Variants in DRC11 observed in about 807,000 individuals in gnomAD.
DRC11 encodes the protein IQ and AAA domain-containing protein 1.
At chr2:236,425,038 T>C in the DRC11 span, among the ~76,000 whole-genome samples, 7 of 151,998 alleles carry the variant, frequency 4.6e-5, no homozygotes, top group African/African-American at 1.5e-4. Flanking sequence ...GTATATACAA[T>C]ACATTATGTT....
the DRC11 span, chr2:236,392,514 T>C: frequency 4.5e-6 from 2 of 443,872 alleles, no homozygotes; most frequent in Non-Finnish European, 7.9e-6. This position sits in a 1 kb window ranked among gnomAD's most constrained non-coding sequence, Gnocchi z 5.1. Flanking sequence ...TAAAATAAGC[T>C]GGACAGATGA....
chr2:236,497,553 G>A, the DRC11 span: 51 of 1,195,156 alleles, frequency 4.3e-5, no homozygotes, highest in African/African-American at 1.7e-4. The surrounding 1 kb of genome is among the most constrained non-coding windows in gnomAD (Gnocchi z 5.1). Context: ...CATAAACATC[G>A]GGCCTCTGGT....
At chr2:236,361,939 G>A in the DRC11 span, among the ~76,000 whole-genome samples, 1 of 152,148 alleles carries the variant, frequency 6.6e-6, no homozygotes, top group South Asian at 2.1e-4. This position sits in a 1 kb window ranked among gnomAD's most constrained non-coding sequence, Gnocchi z 5.7. Flanking sequence ...TATACACTCA[G>A]CATAAGAAAG....
the DRC11 span, among the ~76,000 whole-genome samples, chr2:236,370,963 A>G: frequency 6.6e-6 from 1 of 152,024 alleles, no homozygotes; most frequent in Non-Finnish European, 1.5e-5. The surrounding 1 kb of genome is among the most constrained non-coding windows in gnomAD (Gnocchi z 5.5). Context: ...GATTCTAATG[A>G]CTGTTGGGAG....
the DRC11 span, among the ~76,000 whole-genome samples, chr2:236,358,841 C>T: frequency 2.7e-5 from 4 of 148,018 alleles, no homozygotes; most frequent in African/African-American, 5.1e-5. Context: ...AAGACCGTCA[C>T]GTGGCCCCCC....
At chr2:236,331,303 G>A in the DRC11 span, 5 of 1,202,422 alleles carry the variant, frequency 4.2e-6, no homozygotes, top group Non-Finnish European at 6.2e-6. The surrounding 1 kb of genome is among the most constrained non-coding windows in gnomAD (Gnocchi z 4.8). Context: ...GCAGAGGGAG[G>A]AGGCAGCGTG....
chr2:236,416,766 T>TATATAA, the DRC11 span, among the ~76,000 whole-genome samples: 1 of 104,410 alleles, frequency 9.6e-6, no homozygotes, highest in East Asian at 3.7e-4. Context: ...TATATATATA[T>TATATAA]ATAAATAATT....
the DRC11 span, chr2:236,343,687 A>G: frequency 3.5e-4 from 452 of 1,299,030 alleles, 1 homozygote; most frequent in Middle Eastern, 2.1e-4. The surrounding 1 kb of genome is among the most constrained non-coding windows in gnomAD (Gnocchi z 6.6). Context: ...CATTCCTGCC[A>G]TCCATTTTGC....
chr2:236,370,339 ACCT>A, the DRC11 span, among the ~76,000 whole-genome samples: 1 of 152,182 alleles, frequency 6.6e-6, no homozygotes, highest in Non-Finnish European at 1.5e-5. This position sits in a 1 kb window ranked among gnomAD's most constrained non-coding sequence, Gnocchi z 5.5. Flanking sequence ...TGCTGTAATT[ACCT>A]CATCCCATAG....
chr2:236,480,011 T>C, the DRC11 span, among the ~76,000 whole-genome samples: 1 of 150,932 alleles, frequency 6.6e-6, no homozygotes, highest in African/African-American at 2.5e-5. Context: ...TGCAGTATTC[T>C]TGGTTGACAG....
At chr2:236,313,680 G>A in the DRC11 span, among the ~76,000 whole-genome samples, 107 of 152,252 alleles carry the variant, frequency 7.0e-4, no homozygotes, top group Non-Finnish European at 8.1e-4. This position sits in a 1 kb window ranked among gnomAD's most constrained non-coding sequence, Gnocchi z 4.5. Flanking sequence ...ACAAGTGAAT[G>A]GTTAAACAAA....
At chr2:236,308,044 C>T in the DRC11 span, among the ~76,000 whole-genome samples, 8 of 152,222 alleles carry the variant, frequency 5.3e-5, no homozygotes, top group Admixed American at 1.3e-4. This position sits in a 1 kb window ranked among gnomAD's most constrained non-coding sequence, Gnocchi z 6.0. Context: ...CAGGCGTCCT[C>T]GTGTGCTTGC....
chr2:236,323,420 G>A, the DRC11 span, among the ~76,000 whole-genome samples: 1 of 152,342 alleles, frequency 6.6e-6, no homozygotes, highest in Admixed American at 6.5e-5. The surrounding 1 kb of genome is among the most constrained non-coding windows in gnomAD (Gnocchi z 6.4). Context: ...CCTGAAGCCA[G>A]TAGTTTGTTC....
the DRC11 span, among the ~76,000 whole-genome samples, chr2:236,420,812 A>C: frequency 2.0e-5 from 3 of 152,162 alleles, no homozygotes; most frequent in East Asian, 1.9e-4. This position sits in a 1 kb window ranked among gnomAD's most constrained non-coding sequence, Gnocchi z 4.8. Flanking sequence ...CCTGCCTCAA[A>C]AAAACAAAAC....
the DRC11 span, among the ~76,000 whole-genome samples, chr2:236,490,389 G>A: frequency 1.3e-5 from 2 of 152,150 alleles, no homozygotes; most frequent in Admixed American, 6.5e-5. This position sits in a 1 kb window ranked among gnomAD's most constrained non-coding sequence, Gnocchi z 5.5. Flanking sequence ...CATGGCACAA[G>A]GAATATGATT....
the DRC11 span, among the ~76,000 whole-genome samples, chr2:236,464,830 T>C: frequency 6.6e-6 from 1 of 152,100 alleles, no homozygotes; most frequent in East Asian, 1.9e-4. Flanking sequence ...CACCACCCCC[T>C]GCCGCCAACC....
chr2:236,311,779 A>G, the DRC11 span, among the ~76,000 whole-genome samples: 4 of 150,282 alleles, frequency 2.7e-5, no homozygotes, highest in Admixed American at 2.7e-4. The surrounding 1 kb of genome is among the most constrained non-coding windows in gnomAD (Gnocchi z 6.9). Flanking sequence ...CTTTGAGACA[A>G]GCTCATGCCT....
the DRC11 span, among the ~76,000 whole-genome samples, chr2:236,440,550 A>T: frequency 1.3e-5 from 2 of 152,230 alleles, no homozygotes; most frequent in Non-Finnish European, 2.9e-5. Flanking sequence ...TATAGAGATG[A>T]TCAAAGGTGT....
the DRC11 span, chr2:236,399,477 T>G: frequency 1.2e-6 from 2 of 1,613,840 alleles, no homozygotes; most frequent in Non-Finnish European, 1.7e-6. The surrounding 1 kb of genome is among the most constrained non-coding windows in gnomAD (Gnocchi z 7.0). Context: ...TTTTCCATTT[T>G]TCGTCTTCTT....
Sources: gnomAD v4.1 joint callset for allele counts (sites outside exome capture counted in the v4.1 genomes callset) on GRCh38, gnomAD v4.1.1 for gene constraint, Gnocchi (gnomAD v3.1) non-coding constraint, MANE v1.5 for transcripts, NCBI Gene and HGNC (gene_info 2026-07-23, HGNC 2026-07-21) for gene names.